PLD1: variants seen among roughly 807,000 people sequenced by gnomAD.
PLD1 encodes the protein choline phosphatase 1.
Under a neutral mutation model 137.1 loss-of-function variants are expected in PLD1, and 112 were observed. The observed-to-expected ratio is 0.82, with a 90% CI of 0.70 to 0.96. The LOEUF (loss-of-function observed/expected upper bound fraction) is 0.96. Among genes scored for constraint, PLD1 ranks in the 40% least tolerant of loss-of-function variants. PLD1 has a pLI of 0.00. For missense variants in PLD1, 1,321 were observed against 1,342.0 expected (o/e 0.98, Z 0.24); for synonymous variants, 431 against 454.7 (o/e 0.95, Z 0.66).
chr3:171,604,016 C>A (rs1278142482), intron 26 of PLD1, among the ~76,000 whole-genome samples: 1 of 152,078 alleles, frequency 6.6e-6, no homozygotes, highest in African/African-American at 2.4e-5. Context: ...TTGATCATGG[C>A]CTTCGGTCCA....
intron 23 of PLD1, among the ~76,000 whole-genome samples, chr3:171,624,437 A>G (rs572896830): frequency 9.7e-4 from 147 of 152,298 alleles, no homozygotes; most frequent in Non-Finnish European, 1.7e-3. Flanking sequence ...GCAAATTCAT[A>G]CAAATTTTTT....
At chr3:171,792,802 C>A in intron 1 of PLD1, 1 of 437,294 alleles carries the variant, frequency 2.3e-6, no homozygotes, top group South Asian at 1.6e-5. Context: ...AAAACAAGTC[C>A]TGGCATGTGA....
intron 20 of PLD1, among the ~76,000 whole-genome samples, chr3:171,660,599 ATTTTTTATT>A (rs1737585526): frequency 6.6e-6 from 1 of 151,174 alleles, no homozygotes; most frequent in African/African-American, 2.5e-5. Context: ...TGATTATTTT[ATTTTTTATT>A]TTTTTTATTT....
chr3:171,747,613 T>G (rs972674215), intron 1 of PLD1, among the ~76,000 whole-genome samples: 2 of 152,246 alleles, frequency 1.3e-5, no homozygotes, highest in African/African-American at 2.4e-5. Context: ...ATTGTTTTTT[T>G]CTGAACCATC....
intron 1 of PLD1, among the ~76,000 whole-genome samples, chr3:171,777,563 T>G (rs1323214119): frequency 6.6e-6 from 1 of 152,238 alleles, no homozygotes; most frequent in Non-Finnish European, 1.5e-5. Flanking sequence ...TACCCTGTTT[T>G]TTGTGTTGCT....
In PLD1 at chr3:171,790,497, A is replaced by G. The variant is rs556811614; in HGVS notation, c.-32+19902T>C. Among the ~76,000 whole-genome samples, 4 of 152,352 alleles carry G rather than the reference A, an allele frequency of 2.6e-5. No individual in the cohort carries two copies. The South Asian group carries it at 8.3e-4, about 32-fold the overall frequency. ...TACTAGCTCTCTCCCAATCTCTTGC[A>G]ATAATGGCCAGGAGAAGAGAAGATT... On this transcript the variant is annotated intron_variant, in intron 1 of 26. Coordinates refer to ENST00000351298, the MANE Select transcript of PLD1 (RefSeq NM_002662.5).
At chr3:171,673,686 T>C (rs899286552) in intron 19 of PLD1, among the ~76,000 whole-genome samples, 11 of 152,248 alleles carry the variant, frequency 7.2e-5, no homozygotes, top group African/African-American at 2.2e-4. Context: ...TTCATTTATA[T>C]AATCACATTC....
chr3:171,795,860 G>C (rs1000165877), intron 1 of PLD1, among the ~76,000 whole-genome samples: 11 of 152,348 alleles, frequency 7.2e-5, no homozygotes, highest in African/African-American at 2.6e-4. Context: ...GTTTTCAATA[G>C]TTAATTTAGA....
chr3:171,773,506 G>A (rs1363051473), intron 1 of PLD1, among the ~76,000 whole-genome samples: 2 of 152,050 alleles, frequency 1.3e-5, no homozygotes, highest in African/African-American at 4.8e-5. Context: ...GGAGGCTGAG[G>A]CAGGAGAATC....
chr3:171,660,900 T>C (rs1737616462), intron 20 of PLD1, among the ~76,000 whole-genome samples: 2 of 152,140 alleles, frequency 1.3e-5, no homozygotes, highest in African/African-American at 4.8e-5. Flanking sequence ...TGAGCCACCG[T>C]GCCCGGCCAG....
At chr3:171,687,309 G>T (rs1560216350) in intron 15 of PLD1, 62 bp downstream of exon 15, 5 of 1,330,800 alleles carry the variant, frequency 3.8e-6, no homozygotes, top group African/African-American at 1.4e-5. Flanking sequence ...CAGGTATGTA[G>T]TGTCTGGCTA....
chr3:171,640,307 A>C (rs1042294385), intron 23 of PLD1, among the ~76,000 whole-genome samples: 3 of 152,088 alleles, frequency 2.0e-5, no homozygotes, highest in African/African-American at 7.2e-5. Flanking sequence ...GTTTATAGTT[A>C]TAAATTTCCC....
rs114497669 is a variant in PLD1 at position 171,725,945 on chromosome 3, G to A, written c.665+73C>T. On this transcript the variant is annotated intron_variant, in intron 7 of 26. Transcript: ENST00000351298. ...AAAGCCAGGAGGACTCCATCACCATGGCATGCTGCTACGTTAAGTGTGAAT... is the reference window on the plus strand; with the variant it reads ...AAAGCCAGGAGGACTCCATCACCATAGCATGCTGCTACGTTAAGTGTGAAT... The A allele has an allele frequency of 8.5e-3, 8,392 of 990,220 alleles. 500 individuals carry two copies. The African/African-American group carries it at 0.12, about 14-fold the overall frequency. 61.3% of individuals were successfully genotyped at this position (990,220 alleles called of 1,614,324 possible).
At chr3:171,618,730 G>A (rs1328314343) in intron 24 of PLD1, among the ~76,000 whole-genome samples, 4 of 151,168 alleles carry the variant, frequency 2.6e-5, no homozygotes, top group African/African-American at 7.3e-5. Flanking sequence ...ATGTGTGTGT[G>A]TGTGTGTGTG....
intron 21 of PLD1, among the ~76,000 whole-genome samples, chr3:171,655,548 A>G (rs1488361191): frequency 6.6e-6 from 1 of 151,972 alleles, no homozygotes; most frequent in Non-Finnish European, 1.5e-5. Context: ...TTGTAAAGAC[A>G]GGTGGTCTCA....
chr3:171,793,233 G>A (rs941819809), intron 1 of PLD1: 1 of 152,120 alleles, frequency 6.6e-6, no homozygotes, highest in Admixed American at 6.5e-5. Flanking sequence ...GCTCATATAG[G>A]CTCCTGAGAG....
chr3:171,624,991 T>C (rs1733959293), intron 23 of PLD1, among the ~76,000 whole-genome samples: 1 of 152,086 alleles, frequency 6.6e-6, no homozygotes, highest in African/African-American at 2.4e-5. Context: ...TTTATTTAAA[T>C]ATGTTTTTTG....
At chr3:171,694,782 C>A (rs1715532526) in intron 12 of PLD1, among the ~76,000 whole-genome samples, 1 of 152,102 alleles carries the variant, frequency 6.6e-6, no homozygotes, top group Non-Finnish European at 1.5e-5. Flanking sequence ...ACCTGCATAA[C>A]TAATGGATTT....
At chr3:171,649,516 A>C (rs1233315691) in intron 21 of PLD1, among the ~76,000 whole-genome samples, 2 of 152,218 alleles carry the variant, frequency 1.3e-5, no homozygotes, top group African/African-American at 4.8e-5. Flanking sequence ...CTGCTGAGGA[A>C]TCCAACGTCC....
Sources: allele counts gnomAD v4.1 joint callset (sites outside exome capture counted in the v4.1 genomes callset), GRCh38; gene constraint gnomAD v4.1.1; transcripts MANE v1.5; gene names NCBI Gene and HGNC (gene_info 2026-07-23, HGNC 2026-07-21).